Variants in ZNF215 observed in about 807,000 individuals in gnomAD.
ZNF215 encodes zinc finger protein 215, also known as BWSCR2-associated zinc finger protein 2.
Under a neutral mutation model 27.2 loss-of-function variants are expected in ZNF215, and 24 were observed. The observed-to-expected ratio is 0.88, with a 90% CI of 0.64 to 1.24. The LOEUF (loss-of-function observed/expected upper bound fraction) is 1.24. ZNF215 is among the 50% of genes most tolerant of loss of function. The pLI is 0.00. For missense variants in ZNF215, 675 were observed against 605.7 expected (o/e 1.11, Z -1.20); for synonymous variants, 210 against 204.0 (o/e 1.03, Z -0.25).
chr11:6,965,491 A>G (rs1396524978), intron 5 of ZNF215, among the ~76,000 whole-genome samples: 1 of 152,054 alleles, frequency 6.6e-6, no homozygotes, highest in East Asian at 1.9e-4. Context: ...ATTTATAGAC[A>G]AATCTAAAGA....
At chr11:6,942,226 A>G (rs1327479643) in intron 4 of ZNF215, among the ~76,000 whole-genome samples, 1 of 152,224 alleles carries the variant, frequency 6.6e-6, no homozygotes, top group African/African-American at 2.4e-5. Flanking sequence ...TTATTCATAA[A>G]GACTGGCTTG....
At position 6,956,577 on chromosome 11, in the gene ZNF215, A is replaced by T; in HGVS notation, c.*46A>T. 1 of 1,498,720 alleles carries T rather than the reference A, an allele frequency of 6.7e-7. No individual in the cohort carries two copies. The highest frequency in any genetic ancestry group is 8.8e-7 in the Non-Finnish European group (1 of 1,131,672). 92.8% of individuals were successfully genotyped at this position (1,498,720 alleles called of 1,614,324 possible). On this transcript the variant is annotated 3_prime_UTR_variant, in exon 7 of 7. Coordinates refer to ENST00000278319, the MANE Select transcript of ZNF215 (RefSeq NM_013250.4). ...TACCTTCAGTCAGAATGCAGAACTC[A>T]TTTAACATCATGAATTTATGCTGGA...
chr11:6,940,774 A>G (rs1013969656), intron 3 of ZNF215, among the ~76,000 whole-genome samples: 3 of 152,224 alleles, frequency 2.0e-5, no homozygotes, highest in African/African-American at 7.2e-5. Context: ...GAGATGATCC[A>G]GATTTGCCAA....
intron 5 of ZNF215, among the ~76,000 whole-genome samples, chr11:6,974,071 A>G (rs1023251642): frequency 8.7e-4 from 132 of 152,228 alleles, no homozygotes; most frequent in Non-Finnish European, 1.6e-3. Flanking sequence ...TAATTTTTGT[A>G]TAAGGTGTAA....
intron 6 of ZNF215, 103 bp from the exon 7 acceptor site, chr11:6,955,587 A>T (rs1850300296): frequency 8.2e-7 from 1 of 1,212,704 alleles, no homozygotes; most frequent in African/African-American, 1.5e-5. Flanking sequence ...TCCATTCTGT[A>T]TTTAAGACCC....
At chr11:6,951,287 G>T (rs377762779) in intron 6 of ZNF215, among the ~76,000 whole-genome samples, 1 of 151,800 alleles carries the variant, frequency 6.6e-6, no homozygotes, top group African/African-American at 2.4e-5. Context: ...TCTATTGATT[G>T]GAATAGTTTC....
At chr11:6,950,003 T>G (rs2133261552) in intron 6 of ZNF215, among the ~76,000 whole-genome samples, 1 of 152,056 alleles carries the variant, frequency 6.6e-6, no homozygotes. Context: ...CTTTCCCCAT[T>G]GCTTGTTTTT....
chr11:6,949,999 C>T (rs1358793172), intron 6 of ZNF215, among the ~76,000 whole-genome samples: 1 of 151,950 alleles, frequency 6.6e-6, no homozygotes, highest in South Asian at 2.1e-4. Context: ...AATCCTTTCC[C>T]CATTGCTTGT....
At chr11:6,969,474 A>G (rs931092633) in intron 5 of ZNF215, among the ~76,000 whole-genome samples, 1 of 152,154 alleles carries the variant, frequency 6.6e-6, no homozygotes, top group Admixed American at 6.5e-5. Flanking sequence ...CAAACAAGAA[A>G]ATTTTCAACC....
chr11:6,946,686 T>G (rs1402317938), intron 6 of ZNF215, among the ~76,000 whole-genome samples: 2 of 152,214 alleles, frequency 1.3e-5, no homozygotes, highest in African/African-American at 4.8e-5. Flanking sequence ...GTTGTACGCT[T>G]GTGCAGCACC....
At chr11:6,984,156 T>A (rs1304957196) in exon 6 of ZNF215, 2 of 393,454 alleles carry the variant, frequency 5.1e-6, no homozygotes, top group Admixed American at 6.2e-5. Flanking sequence ...TTGCCCAGGC[T>A]GGAGTATAAT....
At chr11:6,959,297 G>A (rs564780221), downstream of ZNF215, among the ~76,000 whole-genome samples, 5 of 152,076 alleles carry the variant, frequency 3.3e-5, no homozygotes, top group Non-Finnish European at 7.4e-5. Context: ...TACAGCATTG[G>A]GAAAGAATGG....
chr11:6,946,764 C>G (rs998293154), intron 6 of ZNF215, among the ~76,000 whole-genome samples: 3 of 152,168 alleles, frequency 2.0e-5, no homozygotes, highest in African/African-American at 7.2e-5. Context: ...TTGTCTCCCA[C>G]ATTAGGCTGT....
chr11:6,967,627 C>G (rs149690696), intron 5 of ZNF215, among the ~76,000 whole-genome samples: 3 of 149,922 alleles, frequency 2.0e-5, no homozygotes, highest in African/African-American at 7.3e-5. Flanking sequence ...TCTGTTGATA[C>G]CCTTTTGTTT....
chr11:6,982,850 A>G (rs1379172787), intron 5 of ZNF215, among the ~76,000 whole-genome samples: 1 of 152,034 alleles, frequency 6.6e-6, no homozygotes, highest in Non-Finnish European at 1.5e-5. Flanking sequence ...TAAAAGAACT[A>G]GAAAAGCAAG....
chr11:6,963,431 TTACA>T (rs1850557565), intron 5 of ZNF215, among the ~76,000 whole-genome samples: 1 of 152,090 alleles, frequency 6.6e-6, no homozygotes, highest in African/African-American at 2.4e-5. Context: ...TAAAATATGG[TTACA>T]TATATTCTAC....
chr11:6,957,257 G>A lies in ZNF215; in HGVS notation c.*726G>A. On this transcript the variant is annotated 3_prime_UTR_variant, in exon 7 of 7. Coordinates refer to ENST00000278319, the MANE Select transcript of ZNF215 (RefSeq NM_013250.4). The stretch of plus-strand genomic sequence containing the variant: ...TTGATGAGAAAAATATCGATTCCCA[G>A]CCAGGGACACTGTGTGGAGTTCGCA... The A allele has an allele frequency of 2.2e-6, 2 of 923,644 alleles. No individual in the cohort carries two copies. The highest frequency in any genetic ancestry group is 2.6e-6 in the Non-Finnish European group (2 of 773,846). 57.2% of individuals were successfully genotyped at this position (923,644 alleles called of 1,614,324 possible).
chr11:6,931,225 C>T (rs1325163807), intron 2 of ZNF215, among the ~76,000 whole-genome samples: 1 of 152,186 alleles, frequency 6.6e-6, no homozygotes, highest in East Asian at 1.9e-4. Context: ...AATGTAGTGA[C>T]TCCTATAATT....
intron 5 of ZNF215, among the ~76,000 whole-genome samples, chr11:6,971,745 A>C (rs1850723146): frequency 1.3e-5 from 2 of 152,160 alleles, no homozygotes; most frequent in Admixed American, 1.3e-4. Flanking sequence ...ATAAGTTCAC[A>C]CATTCTGATT....
Sources: gnomAD v4.1 joint callset for allele counts (sites outside exome capture counted in the v4.1 genomes callset) on GRCh38, gnomAD v4.1.1 for gene constraint, MANE v1.5 for transcripts, NCBI Gene and HGNC (gene_info 2026-07-23, HGNC 2026-07-21) for gene names.